GDI2: variants seen among roughly 807,000 people sequenced by gnomAD.
GDI2 encodes rab GDP dissociation inhibitor beta.
In GDI2, 22 loss-of-function variants were observed where a neutral mutation model predicts 54.2. That is an observed-to-expected ratio of 0.41 (90% CI 0.29 to 0.58). GDI2 has a LOEUF of 0.58. Ranked by LOEUF, GDI2 falls within the 20% of genes least tolerant of loss-of-function variation. GDI2 has a pLI of 0.35. For missense variants in GDI2, 422 were observed against 546.0 expected, an observed-to-expected ratio of 0.77 and a Z score of 2.26; for synonymous variants, 177 against 182.1, an observed-to-expected ratio of 0.97 and a Z score of 0.23.
intron 4 of GDI2, among the ~76,000 whole-genome samples, chr10:5,786,329 C>A (rs1588976430): frequency 6.6e-6 from 1 of 152,112 alleles, no homozygotes; most frequent in East Asian, 1.9e-4. Flanking sequence ...CGCCATTACG[C>A]CCAGCTAATT....
At position 5,768,959 on chromosome 10, in the gene GDI2, A is replaced by G. The variant is rs1462322967; in HGVS notation, c.820-575T>C. On this transcript the variant is annotated intron_variant, in intron 7 of 10. Transcript: ENST00000380191. This position sits in a 1 kb window ranked among gnomAD's most constrained non-coding sequence, Gnocchi z 4.4. ...AAAGACACAGGCAACAAAGGAAAGA[A>G]TTCATGAAAACAGGATTTCATGAAA... 6.6e-6 allele frequency: 1 copy of G among 152,206 alleles called. No homozygotes were observed. The highest frequency in any genetic ancestry group is 1.5e-5 in the Non-Finnish European group (1 of 68,042). The allele number at this position is 152,206 out of a possible 1,614,324, so 9.4% of individuals were successfully genotyped here.
chr10:5,805,691 G>A (rs948111597), intron 1 of GDI2, among the ~76,000 whole-genome samples: 1 of 152,200 alleles, frequency 6.6e-6, no homozygotes, highest in African/African-American at 2.4e-5. Flanking sequence ...TGCTGATGAG[G>A]TGATACTGAT....
intron 2 of GDI2, 145 bp from the exon 3 acceptor site, chr10:5,797,007 T>C (rs1841161080): frequency 7.8e-6 from 4 of 510,482 alleles, no homozygotes; most frequent in African/African-American, 5.7e-5. Context: ...TTTTATCAGA[T>C]AAAATTTTTA....
chr10:5,797,621 A>AGGAGAATCACATGAATCTGGGAGGT lies in GDI2; in HGVS notation c.154-784_154-760dup, dbSNP rs58028508. 4.0e-3 allele frequency among the ~76,000 whole-genome samples: 584 copies of AGGAGAATCACATGAATCTGGGAGGT among 147,054 alleles called. 3 individuals carry two copies. Among genetic ancestry groups the AGGAGAATCACATGAATCTGGGAGGT allele is most frequent in the African/African-American group, 0.014 (562 of 39,414 alleles). The stretch of plus-strand genomic sequence containing the variant: ...GCCCAGCTACTCGAGAGGCTGAGGC[A>AGGAGAATCACATGAATCTGGGAGGT]GGAGAATCACATGAATCTGGGAGGT... On this transcript the variant is annotated intron_variant, in intron 2 of 10. Transcript: ENST00000380191.
intron 4 of GDI2, among the ~76,000 whole-genome samples, chr10:5,787,456 G>A (rs917810301): frequency 4.7e-4 from 72 of 152,054 alleles, no homozygotes; most frequent in African/African-American, 1.6e-3. Context: ...GCACTGAGCC[G>A]AGATTGCACC....
chr10:5,810,611 T>C (rs1427247764), intron 1 of GDI2, among the ~76,000 whole-genome samples: 2 of 152,240 alleles, frequency 1.3e-5, no homozygotes, highest in East Asian at 1.9e-4. Context: ...TGTTACAGCA[T>C]AACACAATAG....
intron 1 of GDI2, 131 bp from the exon 2 acceptor site, chr10:5,800,836 TGAAGA>T (rs1841253343): frequency 2.0e-5 from 13 of 648,262 alleles, no homozygotes; most frequent in Middle Eastern, 6.7e-4. Flanking sequence ...ACATAATTTA[TGAAGA>T]AAGCCCTTAA....
At chr10:5,812,135 C>G (rs980786751) in intron 1 of GDI2, among the ~76,000 whole-genome samples, 1 of 150,588 alleles carries the variant, frequency 6.6e-6, no homozygotes, top group East Asian at 1.9e-4. Flanking sequence ...GTTAGAATTT[C>G]AAATTTCCCC....
chr10:5,802,359 G>C (rs990238994), intron 1 of GDI2, among the ~76,000 whole-genome samples: 6 of 151,084 alleles, frequency 4.0e-5, no homozygotes, highest in African/African-American at 1.5e-4. Flanking sequence ...CAAGCACTTT[G>C]AGAGGCCGAG....
intron 4 of GDI2, among the ~76,000 whole-genome samples, chr10:5,786,330 C>T (rs770881951): frequency 2.6e-5 from 4 of 151,908 alleles, no homozygotes; most frequent in Non-Finnish European, 4.4e-5. Flanking sequence ...GCCATTACGC[C>T]CAGCTAATTT....
chr10:5,805,545 A>C (rs1271708493), intron 1 of GDI2, among the ~76,000 whole-genome samples: 1 of 151,940 alleles, frequency 6.6e-6, no homozygotes, highest in Non-Finnish European at 1.5e-5. Flanking sequence ...CACGCCTGCC[A>C]AATTTTTTAA....
At chr10:5,801,513 G>C (rs910560393) in intron 1 of GDI2, among the ~76,000 whole-genome samples, 13 of 151,810 alleles carry the variant, frequency 8.6e-5, no homozygotes, top group Non-Finnish European at 1.9e-4. Context: ...CACATCTCTA[G>C]TAAAAATACA....
intron 1 of GDI2, among the ~76,000 whole-genome samples, chr10:5,803,189 A>G (rs1273232864): frequency 6.6e-6 from 1 of 151,128 alleles, no homozygotes; most frequent in Non-Finnish European, 1.5e-5. Flanking sequence ...AAATATACTC[A>G]GGCAGATGGC....
At chr10:5,784,225 G>C (rs1236432897) in intron 6 of GDI2, among the ~76,000 whole-genome samples, 1 of 152,156 alleles carries the variant, frequency 6.6e-6, no homozygotes, top group Non-Finnish European at 1.5e-5. Flanking sequence ...CTATTGCTGA[G>C]ACTTTCCAGT....
Position 5,768,173 on chromosome 10 carries a change from T to C in GDI2, c.991+40A>G, listed in dbSNP as rs1840403101. The C allele has an allele frequency of 1.3e-6, 2 of 1,544,834 alleles. No homozygotes were observed. Among genetic ancestry groups the C allele is most frequent in the Non-Finnish European group, 1.8e-6 (2 of 1,120,050 alleles). On this transcript the variant is annotated intron_variant, in intron 8 of 10. Transcript: ENST00000380191. This position sits in a 1 kb window ranked among gnomAD's most constrained non-coding sequence, Gnocchi z 4.4. Reference sequence around the variant, plus strand: ...ATAAAACACAAAGCAAATTATATCTTACAAAATTCTACCAACATCTGCTGG... The same window carrying C: ...ATAAAACACAAAGCAAATTATATCTCACAAAATTCTACCAACATCTGCTGG...
Position 5,813,075 on chromosome 10 carries a change from T to C in GDI2, c.45+139A>G, listed in dbSNP as rs1326995173. The C allele has an allele frequency of 1.1e-5, 6 of 525,702 alleles. No homozygotes were observed. In the East Asian group the frequency reaches 2.2e-4, roughly 19 times the overall value. The allele number at this position is 525,702 out of a possible 1,614,324, so 32.6% of individuals were successfully genotyped here. ...GCGCCCCTGAACCCGCCCGCGCCCC[T>C]AGCCACGACTCCCGTCCCGAAAACT... On this transcript the variant is annotated intron_variant, in intron 1 of 10. Coordinates refer to ENST00000380191, the MANE Select transcript of GDI2 (RefSeq NM_001494.4).
At chr10:5,789,440 G>A (rs758474343) in intron 4 of GDI2, among the ~76,000 whole-genome samples, 6 of 151,782 alleles carry the variant, frequency 4.0e-5, no homozygotes, top group Non-Finnish European at 8.8e-5. Flanking sequence ...TGCTATATAA[G>A]GATATATCGT....
intron 4 of GDI2, among the ~76,000 whole-genome samples, chr10:5,793,701 T>A (rs1385265637): frequency 6.6e-6 from 1 of 152,220 alleles, no homozygotes; most frequent in African/African-American, 2.4e-5. Context: ...TACCCTTAGT[T>A]ATACAAATTT....
intron 1 of GDI2, among the ~76,000 whole-genome samples, chr10:5,808,593 T>A (rs1841424255): frequency 6.6e-6 from 1 of 151,222 alleles, no homozygotes; most frequent in African/African-American, 2.4e-5. Flanking sequence ...GGAGAATTAC[T>A]TGAACCGGGG....
Sources: gnomAD v4.1 joint callset for allele counts (sites outside exome capture counted in the v4.1 genomes callset) on GRCh38, gnomAD v4.1.1 for gene constraint, Gnocchi (gnomAD v3.1) non-coding constraint, MANE v1.5 for transcripts, NCBI Gene and HGNC (gene_info 2026-07-23, HGNC 2026-07-21) for gene names.